Variants in ADGRV1 observed in about 807,000 individuals in gnomAD.
ADGRV1 encodes adhesion G protein-coupled receptor V1.
ADGRV1 carries 359 observed loss-of-function variants against 596.2 expected under a neutral mutation model. The observed-to-expected ratio is 0.60, with a 90% CI of 0.55 to 0.66. The LOEUF (loss-of-function observed/expected upper bound fraction) is 0.66. Among genes scored for constraint, ADGRV1 ranks in the 30% least tolerant of loss-of-function variants. ADGRV1 has a pLI of 0.00. For synonymous variants in ADGRV1, 2,681 were observed against 2,679.2 expected (o/e 1.00, Z -0.02); for missense variants, 7,274 against 7,575.6 (o/e 0.96, Z 1.48).
intron 85 of ADGRV1, among the ~76,000 whole-genome samples, chr5:91,012,756 G>A (rs922491881): frequency 2.0e-5 from 3 of 151,906 alleles, no homozygotes; most frequent in Non-Finnish European, 4.4e-5. Flanking sequence ...AGGTTCAGGG[G>A]TACATGTGAA....
chr5:90,803,056 A>G (rs541420897), intron 71 of ADGRV1, among the ~76,000 whole-genome samples, 174 bp downstream of exon 71: 2 of 152,044 alleles, frequency 1.3e-5, no homozygotes, highest in East Asian at 1.9e-4. Context: ...TAATTAGTCT[A>G]TTTTCAACAT....
chr5:90,649,478 A>T (rs1017465308), intron 17 of ADGRV1, among the ~76,000 whole-genome samples: 1 of 151,924 alleles, frequency 6.6e-6, no homozygotes, highest in African/African-American at 2.4e-5. Context: ...TGTAAAGAGT[A>T]GGGGAACTGA....
At chr5:91,156,949 T>C (rs1796528586) in intron 89 of ADGRV1, among the ~76,000 whole-genome samples, 2 of 152,234 alleles carry the variant, frequency 1.3e-5, no homozygotes, top group Non-Finnish European at 2.9e-5. Flanking sequence ...TACAGAGCTA[T>C]TTTCTAAAAA....
At chr5:90,592,924 C>T (rs893869288) in intron 1 of ADGRV1, among the ~76,000 whole-genome samples, 34 of 151,956 alleles carry the variant, frequency 2.2e-4, no homozygotes, top group Admixed American at 1.0e-3. Flanking sequence ...GTTAGAATGG[C>T]GATCATTAAA....
intron 21 of ADGRV1, among the ~76,000 whole-genome samples, chr5:90,661,505 CAA>C (rs1161383893): frequency 2.0e-5 from 3 of 152,108 alleles, no homozygotes; most frequent in Non-Finnish European, 2.9e-5. Flanking sequence ...ATGCATGAAA[CAA>C]AATTAAAAAT....
intron 87 of ADGRV1, among the ~76,000 whole-genome samples, chr5:91,116,834 CACT>C (rs1792888991): frequency 6.6e-6 from 1 of 152,210 alleles, no homozygotes; most frequent in South Asian, 2.1e-4. Flanking sequence ...AAAAGGGGGC[CACT>C]ACCCTAGGTG....
chr5:90,823,623 TC>T, intron 76 of ADGRV1, 27 bp downstream of exon 76: 1 of 1,576,742 alleles, frequency 6.3e-7, no homozygotes, highest in Non-Finnish European at 8.7e-7. Flanking sequence ...CACACTAGTG[TC>T]AACTTCTAAT....
At chr5:90,863,964 A>G (rs1767851410) in intron 83 of ADGRV1, 107 bp downstream of exon 83, 1 of 735,226 alleles carries the variant, frequency 1.4e-6, no homozygotes, top group Admixed American at 2.4e-5. Flanking sequence ...CTTAGTTGAA[A>G]TAAACTTGTT....
chr5:91,014,136 C>CCCCACACACA (rs757029909), intron 85 of ADGRV1, among the ~76,000 whole-genome samples: 4 of 35,638 alleles, frequency 1.1e-4, no homozygotes, highest in East Asian at 6.8e-4. Context: ...TTCACAATTG[C>CCCCACACACA]CACACACACA....
chr5:90,730,915 G>C (rs893779386), intron 50 of ADGRV1, among the ~76,000 whole-genome samples: 3 of 152,176 alleles, frequency 2.0e-5, no homozygotes, highest in African/African-American at 7.2e-5. Flanking sequence ...TGGCAATTCT[G>C]TATGAATTAA....
intron 83 of ADGRV1, among the ~76,000 whole-genome samples, chr5:90,919,272 T>C (rs976905205): frequency 2.6e-5 from 4 of 152,180 alleles, no homozygotes; most frequent in East Asian, 1.9e-4. Flanking sequence ...AGCATCTATA[T>C]ATTCCCAAAC....
intron 85 of ADGRV1, among the ~76,000 whole-genome samples, chr5:91,050,171 T>C (rs1393979402): frequency 6.6e-6 from 1 of 152,170 alleles, no homozygotes; most frequent in Non-Finnish European, 1.5e-5. Context: ...ATTCCTTGGG[T>C]GGTATCTTGA....
intron 9 of ADGRV1, among the ~76,000 whole-genome samples, chr5:90,634,599 G>A (rs1212522866): frequency 6.6e-6 from 1 of 152,120 alleles, no homozygotes; most frequent in Non-Finnish European, 1.5e-5. Flanking sequence ...TGGAAGTGTG[G>A]GTCAGTGGAA....
chr5:90,611,987 A>T (rs1762781687), intron 1 of ADGRV1, among the ~76,000 whole-genome samples: 1 of 152,048 alleles, frequency 6.6e-6, no homozygotes, highest in South Asian at 2.1e-4. Context: ...ACAACTTTTC[A>T]TACAGTGTGA....
intron 87 of ADGRV1, among the ~76,000 whole-genome samples, chr5:91,108,871 A>G (rs963567896): frequency 6.6e-6 from 1 of 152,162 alleles, no homozygotes; most frequent in African/African-American, 2.4e-5. Flanking sequence ...TGCTGGGATT[A>G]TAGGCATGAG....
At chr5:90,959,907 A>C (rs1380938493) in intron 83 of ADGRV1, among the ~76,000 whole-genome samples, 1 of 152,184 alleles carries the variant, frequency 6.6e-6, no homozygotes, top group Non-Finnish European at 1.5e-5. Context: ...TGGGAGGCTA[A>C]GGTGGGCAGA....
In ADGRV1 at chr5:90,672,661, T is replaced by G. The variant is rs751133155; in HGVS notation, c.4868T>G (p.Leu1623Arg). The G allele has an allele frequency of 1.9e-6, 3 of 1,613,740 alleles. No individual in the cohort carries two copies. In the Admixed American group the frequency reaches 5.0e-5, roughly 27 times the overall value. Residue 1623 changes from leucine (L) to arginine (R), a missense_variant, in exon 22 of 90, where the codon CTT (leucine) becomes CGT (arginine). Coordinates refer to ENST00000405460, the MANE Select transcript of ADGRV1 (RefSeq NM_032119.4). ...ATTGAAACTGATGGCATTAATTACCTTGTTGATGACTTTGCTAATGCCAGT... is the reference window on the plus strand; with the variant it reads ...ATTGAAACTGATGGCATTAATTACCGTGTTGATGACTTTGCTAATGCCAGT... Reference protein sequence around the residue: ...SQIETDGINYLVDDFANASGT... With the variant: ...SQIETDGINYRVDDFANASGT...
In ADGRV1 at chr5:90,788,235, G is replaced by A; in HGVS notation, c.13818G>A (p.Glu4606=). 1 of 1,612,370 alleles carries A rather than the reference G, an allele frequency of 6.2e-7. No individual in the cohort carries two copies. The highest frequency in any genetic ancestry group is 2.2e-5 in the East Asian group (1 of 44,846). Residue 4606 remains glutamate, a synonymous_variant, in exon 68 of 90, where the codon GAG becomes GAA. Coordinates refer to ENST00000405460, the MANE Select transcript of ADGRV1 (RefSeq NM_032119.4). ...IYPHEEIEVE[E]TFIIKLHLVK... ...CTCATGAAGAAATTGAAGTTGAAGA[G>A]ACATTCATTATTAAACTTCATCTTG... is the stretch of plus-strand genomic sequence containing the variant.
intron 85 of ADGRV1, among the ~76,000 whole-genome samples, chr5:91,057,865 T>C (rs1008151177): frequency 2.0e-5 from 3 of 152,190 alleles, no homozygotes; most frequent in Admixed American, 2.0e-4. Flanking sequence ...GTGGTGTCTT[T>C]GAAAACTGTT....
Sources: allele counts gnomAD v4.1 joint callset (sites outside exome capture counted in the v4.1 genomes callset), GRCh38; gene constraint gnomAD v4.1.1; transcripts MANE v1.5; gene names NCBI Gene and HGNC (gene_info 2026-07-23, HGNC 2026-07-21).